TSPAN9: variants seen among roughly 807,000 people sequenced by gnomAD.
TSPAN9 encodes the protein tetraspanin-9.
A neutral mutation model predicts 31.0 loss-of-function variants in TSPAN9; 16 were observed. The observed-to-expected ratio is 0.52, with a 90% CI of 0.35 to 0.78. The LOEUF (loss-of-function observed/expected upper bound fraction) is 0.78, where lower values mean the gene tolerates loss of function less well. Ranked by LOEUF, TSPAN9 falls within the 30% of genes least tolerant of loss-of-function variation. TSPAN9 has a pLI of 0.01. For missense variants in TSPAN9, 272 were observed against 312.5 expected (o/e 0.87, Z 0.98); for synonymous variants, 145 against 121.6 (o/e 1.19, Z -1.27).
chr12:3,078,150 C>G (rs1371065239), intron 1 of TSPAN9, among the ~76,000 whole-genome samples: 1 of 152,210 alleles, frequency 6.6e-6, no homozygotes, highest in Non-Finnish European at 1.5e-5. Context: ...CATCTTCCCC[C>G]AAATGCCTGT....
chr12:3,149,654 G>A (rs1399249500), intron 2 of TSPAN9: 1 of 151,034 alleles, frequency 6.6e-6, no homozygotes, highest in African/African-American at 2.4e-5. Flanking sequence ...TTTATTCTGA[G>A]CTTTATCTGA....
chr12:3,226,722 G>T, intron 3 of TSPAN9, among the ~76,000 whole-genome samples: 1 of 2,366 alleles, frequency 4.2e-4, no homozygotes. Context: ...GTATGTATGT[G>T]TGTGTGTGTG....
At chr12:3,249,652 A>G (rs999764747) in intron 3 of TSPAN9, among the ~76,000 whole-genome samples, 6 of 152,192 alleles carry the variant, frequency 3.9e-5, no homozygotes, top group Admixed American at 6.5e-5. Flanking sequence ...GAGCACCTCC[A>G]TATAGCAGGT....
intron 3 of TSPAN9, among the ~76,000 whole-genome samples, chr12:3,238,729 A>G (rs111340115): frequency 0.015 from 2,219 of 152,330 alleles, 58 homozygotes; most frequent in African/African-American, 0.05. Context: ...CTACTGGGGC[A>G]GCAGGAAGGT....
At chr12:3,257,470 G>A (rs1162660198) in intron 3 of TSPAN9, among the ~76,000 whole-genome samples, 1 of 151,726 alleles carries the variant, frequency 6.6e-6, no homozygotes, top group African/African-American at 2.4e-5. Context: ...AGCCCCCGAC[G>A]AGCCATCCTC....
intron 2 of TSPAN9, among the ~76,000 whole-genome samples, chr12:3,125,709 A>G (rs768858460): frequency 2.4e-4 from 37 of 152,156 alleles, no homozygotes; most frequent in Middle Eastern, 6.8e-3. Context: ...TGAAAGCCCA[A>G]TGTAAAATAG....
intron 2 of TSPAN9, among the ~76,000 whole-genome samples, chr12:3,097,691 T>C (rs1860429): frequency 0.61 from 93,528 of 152,128 alleles, 29,439 homozygotes; most frequent in African/African-American, 0.74. Context: ...CCCAGAGGAA[T>C]GGCTCCCCCC....
At chr12:3,144,911 T>C (rs2098336456) in intron 2 of TSPAN9, among the ~76,000 whole-genome samples, 1 of 152,260 alleles carries the variant, frequency 6.6e-6, no homozygotes, top group African/African-American at 2.4e-5. Flanking sequence ...TTGTCCCTTT[T>C]CCCTATTCCC....
At chr12:3,141,307 T>C (rs1834336752) in intron 2 of TSPAN9, among the ~76,000 whole-genome samples, 1 of 152,162 alleles carries the variant, frequency 6.6e-6, no homozygotes, top group South Asian at 2.1e-4. Context: ...TGGCATGCTG[T>C]GAGAGCACAC....
chr12:3,155,735 G>A (rs11062538), intron 2 of TSPAN9, among the ~76,000 whole-genome samples: 18,385 of 152,174 alleles, frequency 0.12, 1,311 homozygotes, highest in South Asian at 0.19. Flanking sequence ...GGTGGGTGCC[G>A]AGTAAATTTC....
chr12:3,274,241 T>G (rs972385889), intron 3 of TSPAN9, among the ~76,000 whole-genome samples: 1 of 152,196 alleles, frequency 6.6e-6, no homozygotes, highest in Non-Finnish European at 1.5e-5. Flanking sequence ...GAATTGCTCC[T>G]GATTGGGAAC....
In TSPAN9 at chr12:3,084,552, T is replaced by G. The variant is rs1245715014; in HGVS notation, c.-18+833T>G. Among the ~76,000 whole-genome samples, 4 of 152,070 alleles carry G rather than the reference T, an allele frequency of 2.6e-5. No individual in the cohort carries two copies. In the East Asian group the frequency reaches 7.7e-4, roughly 29 times the overall value. On this transcript the variant is annotated intron_variant, in intron 2 of 8. Transcript: ENST00000011898. ...CAGGGATTATTTGGTGTCCCAAGAG[T>G]GGCCAGGAACCTCTTATTGTCCTGC...
intron 3 of TSPAN9, among the ~76,000 whole-genome samples, chr12:3,238,800 G>A (rs2098395124): frequency 6.6e-6 from 1 of 152,230 alleles, no homozygotes; most frequent in Non-Finnish European, 1.5e-5. Context: ...TTTAGTGCTT[G>A]GCGTCTGTTG....
chr12:3,220,707 C>T lies in TSPAN9; in HGVS notation c.63+19451C>T, dbSNP rs11062580. On this transcript the variant is annotated intron_variant, in intron 3 of 8. Transcript: ENST00000011898. ...GGGGGATGTTACTGGTGTGCTGGGCCGGGGCTGTCTCAAGATAATATGAGA... is the reference window on the plus strand; with the variant it reads ...GGGGGATGTTACTGGTGTGCTGGGCTGGGGCTGTCTCAAGATAATATGAGA... 8.2e-3 allele frequency among the ~76,000 whole-genome samples: 1,241 copies of T among 152,026 alleles called. 44 individuals are homozygous for T. In the East Asian group the frequency reaches 0.11, roughly 14 times the overall value.
chr12:3,194,810 C>G (rs868317808), intron 2 of TSPAN9, among the ~76,000 whole-genome samples: 1 of 152,238 alleles, frequency 6.6e-6, no homozygotes, highest in Non-Finnish European at 1.5e-5. Context: ...TCCTGAATCA[C>G]GGCCAAGTAT....
intron 2 of TSPAN9, among the ~76,000 whole-genome samples, chr12:3,138,847 T>C (rs1036009445): frequency 1.3e-5 from 2 of 152,152 alleles, no homozygotes; most frequent in Admixed American, 6.5e-5. Flanking sequence ...CCTGCACTTA[T>C]CTGACTGCTG....
chr12:3,255,057 T>C (rs1044018227), intron 3 of TSPAN9, among the ~76,000 whole-genome samples: 8 of 152,194 alleles, frequency 5.3e-5, no homozygotes, highest in African/African-American at 1.4e-4. Context: ...AGCTTCCTGC[T>C]GCAGTCTTCA....
intron 3 of TSPAN9, among the ~76,000 whole-genome samples, chr12:3,272,498 T>A (rs961420892): frequency 1.4e-5 from 2 of 140,592 alleles, no homozygotes; most frequent in Non-Finnish European, 3.1e-5. Context: ...TGCATGTGTG[T>A]TTTTTTTTTT....
In TSPAN9 at chr12:3,279,913, G is replaced by A. The variant is rs556020975; in HGVS notation, c.331-469G>A. Among the ~76,000 whole-genome samples, 17 of 152,192 alleles carry A rather than the reference G, an allele frequency of 1.1e-4. No individual in the cohort carries two copies. In the South Asian group the frequency reaches 2.9e-3, roughly 26 times the overall value. ...TGAGTAGATGCTGCTGTTCAACATC[G>A]GGTAGAACAGCGGTGAGGGAGGTGA... On this transcript the variant is annotated intron_variant, in intron 5 of 8. Transcript: ENST00000011898.
Sources: gnomAD v4.1 joint callset for allele counts (sites outside exome capture counted in the v4.1 genomes callset) on GRCh38, gnomAD v4.1.1 for gene constraint, MANE v1.5 for transcripts, NCBI Gene and HGNC (gene_info 2026-07-23, HGNC 2026-07-21) for gene names.